The following UBXN2A variants were observed in gnomAD, a reference collection of about 807,000 sequenced individuals.
UBXN2A encodes the protein UBX domain protein 2A, also known as UBX domain-containing protein 2A.
Under a neutral mutation model 28.4 loss-of-function variants are expected in UBXN2A, and 28 were observed. The observed-to-expected ratio is 0.99, with a 90% CI of 0.73 to 1.35. The LOEUF (loss-of-function observed/expected upper bound fraction) is 1.35. Ranked by LOEUF, UBXN2A falls within the 40% of genes most tolerant of loss-of-function variation. UBXN2A has a pLI of 0.00. For synonymous variants in UBXN2A, 97 were observed against 103.6 expected, an observed-to-expected ratio of 0.94 and a Z score of 0.39; for missense variants, 253 against 297.9, an observed-to-expected ratio of 0.85 and a Z score of 1.11.
intron 1 of UBXN2A, among the ~76,000 whole-genome samples, chr2:23,940,924 C>G (rs1359281919): frequency 2.0e-5 from 3 of 152,104 alleles, no homozygotes; most frequent in African/African-American, 4.8e-5. Context: ...AGGCACAGCT[C>G]CTGGTTCTCT....
At chr2:23,995,630 T>C (rs542369707) in intron 6 of UBXN2A, among the ~76,000 whole-genome samples, 1 of 150,766 alleles carries the variant, frequency 6.6e-6, no homozygotes, top group African/African-American at 2.4e-5. Flanking sequence ...GGGGCGGAGC[T>C]TGCAGTGAGC....
At chr2:23,934,903 G>A (rs764140493) in intron 1 of UBXN2A, among the ~76,000 whole-genome samples, 52 of 151,962 alleles carry the variant, frequency 3.4e-4, no homozygotes, top group Non-Finnish European at 4.1e-4. Flanking sequence ...GTAAAACCCC[G>A]TCTCTACTAA....
chr2:23,961,539 C>CTTTT (rs71395167), intron 2 of UBXN2A, among the ~76,000 whole-genome samples: 578 of 51,274 alleles, frequency 0.011, 56 homozygotes, highest in South Asian at 0.031. Context: ...AGAAAACTGC[C>CTTTT]TTTTTTTTTT....
chr2:23,989,910 ATATC>A (rs1287024860), intron 6 of UBXN2A, among the ~76,000 whole-genome samples: 1 of 152,128 alleles, frequency 6.6e-6, no homozygotes, highest in African/African-American at 2.4e-5. Flanking sequence ...GTCTCAAAAA[ATATC>A]TATATAAGGA....
At chr2:23,930,405 AAG>A (rs1465998468) in intron 1 of UBXN2A, among the ~76,000 whole-genome samples, 1 of 152,216 alleles carries the variant, frequency 6.6e-6, no homozygotes, top group Non-Finnish European at 1.5e-5. Context: ...GGGAATGAAT[AAG>A]ATAGGGAAGA....
At chr2:23,940,110 CAA>C (rs70941601), upstream of UBXN2A, among the ~76,000 whole-genome samples, 508 of 104,008 alleles carry the variant, frequency 4.9e-3, 4 homozygotes, top group African/African-American at 0.014. Context: ...GATTTAGTCT[CAA>C]AAAAAAAAAA....
rs1047470811 is a variant in UBXN2A at position 23,988,342 on chromosome 2, A to G, written c.584+3511A>G. Among the ~76,000 whole-genome samples, 3 of 152,264 alleles carry G rather than the reference A, an allele frequency of 2.0e-5. No individual in the cohort carries two copies. The East Asian group carries it at 5.8e-4, about 29-fold the overall frequency. ...TAATTCAGGGTTTTCCATTTTATCT[A>G]ATACCTTCCTTTATAGCAAAAGGCC... On this transcript the variant is annotated intron_variant, in intron 6 of 6. Transcript: ENST00000309033.
At chr2:23,982,447 A>G (rs1707952010) in intron 4 of UBXN2A, among the ~76,000 whole-genome samples, 1 of 152,046 alleles carries the variant, frequency 6.6e-6, no homozygotes, top group African/African-American at 2.4e-5. Context: ...AGCCTGGTGT[A>G]GTATATAGTC....
At position 23,940,494 on chromosome 2, in the gene UBXN2A, T is replaced by G. The variant is rs1416094584; in HGVS notation, c.-169T>G. 1 of 151,178 alleles carries G rather than the reference T, an allele frequency of 6.6e-6. No individual in the cohort carries two copies. Among genetic ancestry groups the G allele is most frequent in the African/African-American group, 2.4e-5 (1 of 41,324 alleles). The allele number at this position is 151,178 out of a possible 1,614,324, so 9.4% of individuals were successfully genotyped here. On this transcript the variant is annotated 5_prime_UTR_variant, in exon 1 of 7. Transcript: ENST00000309033. Reference sequence around the variant, plus strand: ...GCGCCTGGCGAAGACCGAGAGAGGCTGGCGGGATCTCAGCGGCGCGGCCGC... The same window carrying G: ...GCGCCTGGCGAAGACCGAGAGAGGCGGGCGGGATCTCAGCGGCGCGGCCGC...
At chr2:23,927,947 G>A (rs912255842) in intron 1 of UBXN2A, among the ~76,000 whole-genome samples, 3 of 152,090 alleles carry the variant, frequency 2.0e-5, no homozygotes, top group African/African-American at 7.2e-5. Context: ...AGGCCGGGGT[G>A]GGTGGATCAC....
At chr2:23,960,881 C>T (rs944408287) in intron 2 of UBXN2A, among the ~76,000 whole-genome samples, 1 of 152,154 alleles carries the variant, frequency 6.6e-6, no homozygotes, top group Non-Finnish European at 1.5e-5. Context: ...GTGATCTGCC[C>T]GCCTTGGCCT....
At chr2:23,929,107 G>A (rs1292700487) in intron 1 of UBXN2A, among the ~76,000 whole-genome samples, 1 of 152,120 alleles carries the variant, frequency 6.6e-6, no homozygotes, top group South Asian at 2.1e-4. Flanking sequence ...GGGCAACATA[G>A]TGAGATCCTC....
At chr2:23,942,419 CTTTT>C (rs759241567) in intron 1 of UBXN2A, among the ~76,000 whole-genome samples, 6 of 98,132 alleles carry the variant, frequency 6.1e-5, no homozygotes, top group Admixed American at 1.4e-4. Context: ...TGATGCAGGG[CTTTT>C]TTTTTTTTTT....
At chr2:23,982,059 A>G (rs1707931208) in intron 4 of UBXN2A, among the ~76,000 whole-genome samples, 2 of 151,162 alleles carry the variant, frequency 1.3e-5, no homozygotes, top group African/African-American at 4.9e-5. Context: ...CATAAATCTC[A>G]TAATGTTTTA....
intron 1 of UBXN2A, among the ~76,000 whole-genome samples, chr2:23,931,032 TGGCGGGCACCTGTAATCTCA>T (rs1705351737): frequency 6.6e-6 from 1 of 152,070 alleles, no homozygotes; most frequent in Non-Finnish European, 1.5e-5. Context: ...CTGGGTATGG[TGGCGGGCACCTGTAATCTCA>T]GCTACTCAGC....
In UBXN2A at chr2:23,988,846, A is replaced by G. The variant is rs373281815; in HGVS notation, c.584+4015A>G. 4.3e-4 allele frequency among the ~76,000 whole-genome samples: 66 copies of G among 152,172 alleles called. 2 individuals carry two copies. Among genetic ancestry groups the G allele is most frequent in the Non-Finnish European group, 2.6e-4 (18 of 68,040 alleles). ...CATCATTATTTATTTTGATATGCACATTGTCTCAGGTACAGTTTGTGAGAC... is the reference window on the plus strand; with the variant it reads ...CATCATTATTTATTTTGATATGCACGTTGTCTCAGGTACAGTTTGTGAGAC... On this transcript the variant is annotated intron_variant, in intron 6 of 6. Transcript: ENST00000309033.
intron 5 of UBXN2A, among the ~76,000 whole-genome samples, chr2:23,983,412 CAG>C (rs749722338): frequency 1.2e-4 from 18 of 151,960 alleles, no homozygotes; most frequent in Non-Finnish European, 2.4e-4. Context: ...GAGGCTGAGG[CAG>C]GAGAATCGCT....
chr2:23,946,495 T>G (rs529991421), intron 1 of UBXN2A, among the ~76,000 whole-genome samples: 144 of 152,054 alleles, frequency 9.5e-4, no homozygotes, highest in Non-Finnish European at 4.6e-4. Flanking sequence ...TATTTTTTTT[T>G]GTATTTTAAT....
In UBXN2A at chr2:23,977,068, A is replaced by C. The variant is rs776432020; in HGVS notation, c.280A>C (p.Lys94Gln). The change falls in exon 4 of 7, where the codon AAA becomes CAA. Residue 94 changes from lysine (K) to glutamine (Q), a missense_variant. Lys to Gln is a moderately conservative substitution (Grantham distance 53). Transcript: ENST00000309033. ...GASQQFLNSI[K>Q]KGELPSELQG... The stretch of plus-strand genomic sequence containing the variant: ...CAGTCAGCAGTTTTTGAACTCCATC[A>C]AAAAGGGGTGAGTAGCCAGGTGTGG... 10 of 1,611,354 alleles carry C rather than the reference A, an allele frequency of 6.2e-6. No individual in the cohort carries two copies.
Sources: allele counts gnomAD v4.1 joint callset (sites outside exome capture counted in the v4.1 genomes callset), GRCh38; gene constraint gnomAD v4.1.1; transcripts MANE v1.5; gene names NCBI Gene and HGNC (gene_info 2026-07-23, HGNC 2026-07-21).